ATP2B2: variants seen among roughly 807,000 people sequenced by gnomAD.
The protein encoded by ATP2B2 is plasma membrane calcium-transporting ATPase 2.
A neutral mutation model predicts 120.0 loss-of-function variants in ATP2B2; 15 were observed. The observed-to-expected ratio is 0.12, with a 90% CI of 0.08 to 0.19. The LOEUF (loss-of-function observed/expected upper bound fraction) is 0.19, where lower values mean the gene tolerates loss of function less well. Ranked by LOEUF, ATP2B2 falls within the 10% of genes least tolerant of loss-of-function variation. The pLI is 1.00. For missense variants in ATP2B2, 1,045 were observed against 1,719.8 expected (o/e 0.61, Z 6.94); for synonymous variants, 694 against 700.3 (o/e 0.99, Z 0.14).
At position 10,678,718 on chromosome 3, in the gene ATP2B2, T is replaced by C. The variant is rs987847488; in HGVS notation, c.-460+29197A>G. On this transcript the variant is annotated intron_variant, in intron 1 of 21. Coordinates refer to the ATP2B2 transcript ENST00000646379. ...TTGCTGTGTAACTTGGGTTAACCCATTAACTTCACTGAGTTAAAGTGGGGA... is the reference window on the plus strand; with the variant it reads ...TTGCTGTGTAACTTGGGTTAACCCACTAACTTCACTGAGTTAAAGTGGGGA... Among the ~76,000 whole-genome samples the C allele has an allele frequency of 2.6e-5, 4 of 152,164 alleles. No homozygotes were observed. In the East Asian group the frequency reaches 7.7e-4, roughly 29 times the overall value.
At chr3:10,453,924 C>T (rs2064157192) in intron 1 of ATP2B2, among the ~76,000 whole-genome samples, 1 of 149,408 alleles carries the variant, frequency 6.7e-6, no homozygotes, top group African/African-American at 2.5e-5. Flanking sequence ...ATCCATCCAT[C>T]CACCCATCTA....
chr3:10,456,601 C>T (rs1190250738), intron 1 of ATP2B2, among the ~76,000 whole-genome samples: 2 of 152,224 alleles, frequency 1.3e-5, no homozygotes, highest in Non-Finnish European at 2.9e-5. Flanking sequence ...TTAACTTACT[C>T]CCTGCCTCCA....
intron 1 of ATP2B2, among the ~76,000 whole-genome samples, chr3:10,666,273 T>A (rs1376966969): frequency 6.6e-6 from 1 of 152,194 alleles, no homozygotes; most frequent in Non-Finnish European, 1.5e-5. Flanking sequence ...CGGAGAGAGA[T>A]GACCAGAGTG....
In ATP2B2 at chr3:10,449,392, C is replaced by T. The variant is rs902475656; in HGVS notation, c.152G>A (p.Gly51Glu). ...GCGCCGGCAGATGGCTTCGGTGTCC[C>T]CATAAGTCTCCTTGATCTTGACCAC... is the stretch of plus-strand genomic sequence containing the variant. ...EAVVKIKETY[G>E]DTEAICRRLK... is the part of the protein sequence containing the mutation. The change falls in exon 2 of 23, where the codon GGG becomes GAG. Residue 51 changes from glycine to glutamate, a missense_variant. Around this residue, in one of 11 missense-constraint regions of ATP2B2, gnomAD observed 139 missense variants for 134.2 expected, o/e 1.04. Transcript: ENST00000360273. 6.2e-7 allele frequency: 1 copy of T among 1,614,254 alleles called. No homozygotes were observed.
chr3:10,659,345 A>G (rs1194699991), intron 1 of ATP2B2, among the ~76,000 whole-genome samples: 1 of 152,166 alleles, frequency 6.6e-6, no homozygotes, highest in Non-Finnish European at 1.5e-5. Context: ...GTATTCAGGA[A>G]ACCCATCTCA....
At chr3:10,665,237 G>A (rs2070897460) in intron 1 of ATP2B2, among the ~76,000 whole-genome samples, 1 of 151,966 alleles carries the variant, frequency 6.6e-6, no homozygotes, top group African/African-American at 2.4e-5. Context: ...CCTGCACCAT[G>A]CCCTTCTTGC....
rs550613270 is a variant in ATP2B2, at chr3:10,453,155, A to C, written c.-319-3293T>G. ...CGTTATGCATAGGGCTCTGGAAACC[A>C]CTCATTCTGAGTTCAAATTCTGGCT... On this transcript the variant is annotated intron_variant, in intron 1 of 22. Transcript: ENST00000360273. Among the ~76,000 whole-genome samples, 5 of 152,266 alleles carry C rather than the reference A, an allele frequency of 3.3e-5. No individual in the cohort carries two copies. In the South Asian group the frequency reaches 1.0e-3, roughly 32 times the overall value.
In ATP2B2 at chr3:10,449,598, C is replaced by T. The variant is rs2063963077; in HGVS notation, c.-55G>A. On this transcript the variant is annotated 5_prime_UTR_variant, in exon 2 of 23. Transcript: ENST00000360273. Reference sequence around the variant, plus strand: ...CCAAGGGTCAGCGCTGGACAAGAGGCTGCCGGGTGATGGCTGCTTGTGGCT... The same window carrying T: ...CCAAGGGTCAGCGCTGGACAAGAGGTTGCCGGGTGATGGCTGCTTGTGGCT... 6.2e-7 allele frequency: 1 copy of T among 1,605,286 alleles called. No homozygotes were observed. The highest frequency in any genetic ancestry group is 2.2e-5 in the East Asian group (1 of 44,836).
intron 1 of ATP2B2, among the ~76,000 whole-genome samples, chr3:10,492,386 A>G (rs904007337): frequency 6.6e-6 from 1 of 152,214 alleles, no homozygotes; most frequent in Non-Finnish European, 1.5e-5. Flanking sequence ...TAAGCTGGAA[A>G]GTACACAGTG....
chr3:10,649,172 G>A (rs1361868322), intron 1 of ATP2B2, among the ~76,000 whole-genome samples: 2 of 152,212 alleles, frequency 1.3e-5, no homozygotes, highest in Non-Finnish European at 2.9e-5. Flanking sequence ...GCCTCCCAAA[G>A]TGCTGAGATC....
rs1346951515 is a variant in ATP2B2 at position 10,326,701 on chromosome 3, C to T, written c.*2113G>A. 2 of 398,950 alleles carry T rather than the reference C, an allele frequency of 5.0e-6. No individual in the cohort carries two copies. Among genetic ancestry groups the T allele is most frequent in the Non-Finnish European group, 8.8e-6 (2 of 226,082 alleles). The allele number at this position is 398,950 out of a possible 1,614,324, so 24.7% of individuals were successfully genotyped here. The stretch of plus-strand genomic sequence containing the variant: ...ATGCAGTTCCTCTCCTGGATACATT[C>T]AGAGATACTTCTTCACGACATTCAG... On this transcript the variant is annotated 3_prime_UTR_variant, in exon 23 of 23. Coordinates refer to ENST00000360273, the MANE Select transcript of ATP2B2 (RefSeq NM_001001331.4).
intron 3 of ATP2B2, among the ~76,000 whole-genome samples, chr3:10,530,891 T>C (rs1339624635): frequency 2.6e-5 from 4 of 152,344 alleles, no homozygotes; most frequent in Admixed American, 2.6e-4. Context: ...AAGATGCCTG[T>C]CATTTTTAGT....
intron 14 of ATP2B2, among the ~76,000 whole-genome samples, chr3:10,355,473 A>G (rs1403708586): frequency 1.3e-5 from 2 of 152,200 alleles, no homozygotes; most frequent in African/African-American, 4.8e-5. Context: ...TAAGTCTTCC[A>G]GTCAACTATC....
intron 2 of ATP2B2, among the ~76,000 whole-genome samples, chr3:10,553,502 C>T (rs28455931): frequency 0.054 from 8,189 of 152,276 alleles, 360 homozygotes; most frequent in African/African-American, 0.12. Flanking sequence ...AATGAAAACG[C>T]CTCTTTTAAT....
chr3:10,688,183 T>G (rs1319353003), intron 1 of ATP2B2, among the ~76,000 whole-genome samples: 4 of 152,164 alleles, frequency 2.6e-5, no homozygotes, highest in African/African-American at 9.7e-5. Context: ...AGTCCACACC[T>G]GTCTGCCTCA....
At chr3:10,695,054 C>T (rs2071721758) in intron 1 of ATP2B2, among the ~76,000 whole-genome samples, 1 of 152,080 alleles carries the variant, frequency 6.6e-6, no homozygotes, top group Non-Finnish European at 1.5e-5. Flanking sequence ...AACAGTGTCA[C>T]TAGAAATGAC....
chr3:10,507,073 G>A (rs148844733), upstream of ATP2B2, among the ~76,000 whole-genome samples: 12 of 152,142 alleles, frequency 7.9e-5, no homozygotes, highest in African/African-American at 1.9e-4. Context: ...CCCTTAGCCC[G>A]CAGGGTGGCC....
intron 3 of ATP2B2, among the ~76,000 whole-genome samples, chr3:10,517,994 C>A (rs547451803): frequency 9.5e-4 from 144 of 151,838 alleles, no homozygotes; most frequent in African/African-American, 3.4e-3. Context: ...TTCACCTTTG[C>A]CAGTGAGGCA....
At chr3:10,527,068 A>G (rs2067111843) in intron 3 of ATP2B2, among the ~76,000 whole-genome samples, 1 of 152,206 alleles carries the variant, frequency 6.6e-6, no homozygotes, top group South Asian at 2.1e-4. Context: ...TTGCAAACAC[A>G]GGATTCAAAC....
Sources: gnomAD v4.1 joint callset for allele counts (sites outside exome capture counted in the v4.1 genomes callset) on GRCh38, gnomAD v4.1.1 for gene constraint, gnomAD v4.1.1 regional missense constraint, MANE v1.5 for transcripts, NCBI Gene and HGNC (gene_info 2026-07-23, HGNC 2026-07-21) for gene names.